Variants in LNX1 observed in about 807,000 individuals in gnomAD.
LNX1 encodes the protein E3 ubiquitin-protein ligase LNX.
Under a neutral mutation model 68.4 loss-of-function variants are expected in LNX1, and 54 were observed. The ratio of observed to expected loss-of-function variants is 0.79; its 90% confidence interval spans 0.63 to 0.99. The LOEUF (loss-of-function observed/expected upper bound fraction) is 0.99, where lower values mean the gene tolerates loss of function less well. Ranked by LOEUF, LNX1 falls within the 50% of genes least tolerant of loss-of-function variation. LNX1 has a pLI of 0.00. For missense variants in LNX1, 906 were observed against 926.4 expected, an observed-to-expected ratio of 0.98 and a Z score of 0.29; for synonymous variants, 336 against 350.0, an observed-to-expected ratio of 0.96 and a Z score of 0.45.
At chr4:53,598,423 G>T (rs1209789655) in intron 2 of LNX1, among the ~76,000 whole-genome samples, 4 of 151,980 alleles carry the variant, frequency 2.6e-5, no homozygotes, top group Non-Finnish European at 5.9e-5. Flanking sequence ...TGTAGAGATG[G>T]GGTCTTGCCT....
At chr4:53,645,270 A>T (rs935781950) in intron 1 of LNX1, among the ~76,000 whole-genome samples, 9 of 152,158 alleles carry the variant, frequency 5.9e-5, no homozygotes, top group African/African-American at 2.2e-4. Context: ...GCTCCCCAGG[A>T]ACATTCTAGA....
Position 53,459,787 on chromosome 4 carries a change from T to C in LNX1, c.*1120A>G. The C allele has an allele frequency of 3.1e-6, 1 of 320,112 alleles. No homozygotes were observed. Among genetic ancestry groups the C allele is most frequent in the South Asian group, 4.8e-5 (1 of 20,748 alleles). 19.8% of individuals were successfully genotyped at this position (320,112 alleles called of 1,614,324 possible). On this transcript the variant is annotated 3_prime_UTR_variant, in exon 11 of 11. Transcript: ENST00000263925. ...AGGGTTCCACTTGGGCCACAGTTTT[T>C]TTGTTAATCAAACACCACTCTCTTA...
At chr4:53,473,964 A>T (rs1723401888) in intron 9 of LNX1, among the ~76,000 whole-genome samples, 1 of 152,208 alleles carries the variant, frequency 6.6e-6, no homozygotes, top group Non-Finnish European at 1.5e-5. Context: ...AACGTTAAGT[A>T]AAAAGACCAA....
chr4:53,648,018 G>A (rs1734952069), intron 1 of LNX1, among the ~76,000 whole-genome samples: 1 of 152,206 alleles, frequency 6.6e-6, no homozygotes. Context: ...TGGACACTTG[G>A]GTTGCATGTA....
upstream of LNX1, among the ~76,000 whole-genome samples, chr4:53,620,515 G>C (rs569088157): frequency 2.0e-5 from 3 of 152,280 alleles, no homozygotes; most frequent in African/African-American, 7.2e-5. Flanking sequence ...ACAGTGTTAG[G>C]TGTTGGGTGC....
rs570100621 is a variant in LNX1 at position 53,599,871 on chromosome 4, T to C, written c.-214-8356A>G. 3.3e-5 allele frequency among the ~76,000 whole-genome samples: 5 copies of C among 152,310 alleles called. No individual in the cohort carries two copies. The Middle Eastern group carries it at 0.017, about 518-fold the overall frequency. On this transcript the variant is annotated intron_variant, in intron 2 of 3. Coordinates refer to the LNX1 transcript ENST00000504299. ...TCTGAGTGGGTAGAAAGACTATGTATATTTCAGATATGGTCTCAGTTTCGT... is the reference window on the plus strand; with the variant it reads ...TCTGAGTGGGTAGAAAGACTATGTACATTTCAGATATGGTCTCAGTTTCGT...
At chr4:53,607,386 T>C (rs1733275950) in intron 2 of LNX1, among the ~76,000 whole-genome samples, 2 of 152,126 alleles carry the variant, frequency 1.3e-5, no homozygotes, top group African/African-American at 4.8e-5. Flanking sequence ...ATAAAATACC[T>C]AGGAATATAG....
rs540155796 is a variant in LNX1 at position 53,598,962 on chromosome 4, T to A, written c.-214-7447A>T. 2.4e-3 allele frequency among the ~76,000 whole-genome samples: 366 copies of A among 152,280 alleles called. 1 individual carries two copies. The highest frequency in any genetic ancestry group is 8.3e-3 in the African/African-American group (346 of 41,554). On this transcript the variant is annotated intron_variant, in intron 2 of 3. Transcript: ENST00000504299. ...AGGAAGCAGAGCTAAGGACAAACAA[T>A]TAAAGTGTAAGGTAGAAATTGCTTA...
At chr4:53,485,048 G>T (rs1448206171) in intron 6 of LNX1, among the ~76,000 whole-genome samples, 1 of 152,208 alleles carries the variant, frequency 6.6e-6, no homozygotes, top group Non-Finnish European at 1.5e-5. Flanking sequence ...CGTGAAGAAA[G>T]CTGACATGAA....
rs1185134910 is a variant in LNX1 at position 53,461,588 on chromosome 4, A to AAGT, written c.1897_1898insACT (p.Cys632_Leu633insTyr). 1 of 1,608,800 alleles carries AAGT rather than the reference A, an allele frequency of 6.2e-7. No homozygotes were observed. The highest frequency in any genetic ancestry group is 8.5e-7 in the Non-Finnish European group (1 of 1,176,646). ...TAATACAATATCTTTACAGTTATAC[A>AAGT]AGCACCTGAAATAGAATGTAATCAG... On this transcript the variant is annotated inframe_insertion, in exon 10 of 11. Coordinates refer to ENST00000263925, the MANE Select transcript of LNX1 (RefSeq NM_001126328.3).
At chr4:53,478,795 T>TAGAA (rs1723736056) in intron 7 of LNX1, 53 bp from the exon 8 acceptor site, 2 of 1,543,734 alleles carry the variant, frequency 1.3e-6, no homozygotes, top group Non-Finnish European at 8.8e-7. Context: ...TCTGGTAGTT[T>TAGAA]TTGAATGTAG....
At chr4:53,583,972 A>ACG (rs1560681063) in intron 1 of LNX1, among the ~76,000 whole-genome samples, 3 of 144,516 alleles carry the variant, frequency 2.1e-5, no homozygotes, top group Non-Finnish European at 4.7e-5. Flanking sequence ...CAACAACAAC[A>ACG]ACGACAAATG....
intron 2 of LNX1, among the ~76,000 whole-genome samples, chr4:53,520,247 T>C (rs1727116127): frequency 6.6e-6 from 1 of 152,222 alleles, no homozygotes; most frequent in African/African-American, 2.4e-5. Flanking sequence ...TCCCAGGGAC[T>C]GAAAGAACTG....
At chr4:53,639,803 G>A (rs187772211) in intron 1 of LNX1, among the ~76,000 whole-genome samples, 114 of 152,216 alleles carry the variant, frequency 7.5e-4, no homozygotes, top group Non-Finnish European at 1.1e-3. Context: ...AGGCCGAGGC[G>A]GGTGGATCAC....
intron 1 of LNX1, among the ~76,000 whole-genome samples, chr4:53,584,225 G>A (rs899170507): frequency 3.3e-5 from 5 of 152,072 alleles, no homozygotes; most frequent in African/African-American, 1.2e-4. Context: ...AAAGATATTT[G>A]AATTCTCAAC....
At chr4:53,566,161 C>G (rs1730672314) in intron 2 of LNX1, among the ~76,000 whole-genome samples, 1 of 151,992 alleles carries the variant, frequency 6.6e-6, no homozygotes, top group Non-Finnish European at 1.5e-5. Flanking sequence ...CACAAAGATA[C>G]TCCTGGAGAA....
chr4:53,543,929 A>C (rs996508072), intron 2 of LNX1, among the ~76,000 whole-genome samples: 14 of 152,200 alleles, frequency 9.2e-5, no homozygotes, highest in African/African-American at 2.7e-4. Context: ...AACAATAAAA[A>C]CACCACCACA....
At chr4:53,636,376 C>A (rs979693623) in intron 1 of LNX1, among the ~76,000 whole-genome samples, 1 of 151,918 alleles carries the variant, frequency 6.6e-6, no homozygotes, top group Non-Finnish European at 1.5e-5. Flanking sequence ...AAAAGCCCTT[C>A]AGAGAAGATC....
chr4:53,527,710 C>CAT (rs1447923559), intron 2 of LNX1, among the ~76,000 whole-genome samples: 1 of 152,218 alleles, frequency 6.6e-6, no homozygotes, highest in Non-Finnish European at 1.5e-5. Context: ...AGCTCATACT[C>CAT]ACACATCCAA....
Sources: gnomAD v4.1 joint callset for allele counts (sites outside exome capture counted in the v4.1 genomes callset) on GRCh38, gnomAD v4.1.1 for gene constraint, MANE v1.5 for transcripts, NCBI Gene and HGNC (gene_info 2026-07-23, HGNC 2026-07-21) for gene names.